Variants in IL1RAPL2 observed in about 807,000 individuals in gnomAD.
The protein encoded by IL1RAPL2 is X-linked interleukin-1 receptor accessory protein-like 2.
In IL1RAPL2, 3 loss-of-function variants were observed where a neutral mutation model predicts 44.1. The observed-to-expected ratio is 0.07, with a 90% CI of 0.03 to 0.18. The LOEUF (loss-of-function observed/expected upper bound fraction) is 0.18, where lower values mean the gene tolerates loss of function less well. Among genes scored for constraint, IL1RAPL2 ranks in the 10% least tolerant of loss-of-function variants. IL1RAPL2 has a pLI of 1.00. For missense variants in IL1RAPL2, 391 were observed against 496.4 expected (o/e 0.79, Z 2.02); for synonymous variants, 181 against 178.8 (o/e 1.01, Z -0.10).
Position 104,990,105 on chromosome X carries a change from A to G in IL1RAPL2, c.83-205370A>G, listed in dbSNP as rs951875808. ...TGTACTAGATGTTGTTGACAAGGCA[A>G]TAATAAGCCCTATTAAATCCTACCT... On this transcript the variant is annotated intron_variant, in intron 2 of 10. Transcript: ENST00000372582. Among the ~76,000 whole-genome samples the G allele has an allele frequency of 3.6e-5, 4 of 112,016 alleles. No individual in the cohort carries two copies. The East Asian group carries it at 8.4e-4, about 24-fold the overall frequency.
chrX:105,625,461 C>G (rs750824023), intron 6 of IL1RAPL2, among the ~76,000 whole-genome samples: 1 of 112,257 alleles, frequency 8.9e-6, no homozygotes, highest in Admixed American at 9.4e-5. Context: ...GTCACAACAA[C>G]TAGCCCTTTT....
chrX:104,587,151 ACTT>A (rs1419047836), intron 1 of IL1RAPL2, among the ~76,000 whole-genome samples: 3 of 111,868 alleles, frequency 2.7e-5, no homozygotes, highest in African/African-American at 9.7e-5. Flanking sequence ...AAGTTGCTTA[ACTT>A]CTTTGACCTT....
At position 105,223,075 on chromosome X, in the gene IL1RAPL2, G is replaced by T. The variant is rs181017203; in HGVS notation, c.357-10743G>T. On this transcript the variant is annotated intron_variant, in intron 3 of 10. Transcript: ENST00000372582. The stretch of plus-strand genomic sequence containing the variant: ...TGAGGCACAAGAATAGCTTGTACCT[G>T]GGAGGCAGAGGTTGCAGTGAGCCGA... 8.2e-5 allele frequency among the ~76,000 whole-genome samples: 9 copies of T among 109,648 alleles called. No homozygotes were observed. In the East Asian group the frequency reaches 2.6e-3, roughly 32 times the overall value.
rs73635151 is a variant in IL1RAPL2, at chrX:104,641,743, C to T, written c.-19-17152C>T. 5.4e-3 allele frequency among the ~76,000 whole-genome samples: 605 copies of T among 111,455 alleles called. 2 individuals carry two copies. The highest frequency in any genetic ancestry group is 0.018 in the African/African-American group (550 of 30,663). On this transcript the variant is annotated intron_variant, in intron 1 of 10. Coordinates refer to ENST00000372582, the MANE Select transcript of IL1RAPL2 (RefSeq NM_017416.2). ...GGCAGCTGCAGCCCACACCTGCATG[C>T]CTTATTAGTCCTGGTTGTGGAATGC...
chrX:105,264,602 G>A (rs143622371), intron 4 of IL1RAPL2, among the ~76,000 whole-genome samples: 37 of 111,768 alleles, frequency 3.3e-4, no homozygotes, highest in African/African-American at 1.2e-3. Context: ...GCGTATTAGT[G>A]GAGGCAGGAT....
chrX:105,091,955 A>G (rs1276833749), intron 2 of IL1RAPL2, among the ~76,000 whole-genome samples: 1 of 112,266 alleles, frequency 8.9e-6, no homozygotes, highest in Non-Finnish European at 1.9e-5. Context: ...ATGTGTATGT[A>G]AAAGAGACAA....
At chrX:105,383,533 A>G (rs2147725275) in intron 5 of IL1RAPL2, among the ~76,000 whole-genome samples, 1 of 112,404 alleles carries the variant, frequency 8.9e-6, no homozygotes, top group African/African-American at 3.2e-5. Flanking sequence ...GGTTGATTCC[A>G]TAGCTTGGCT....
chrX:105,671,366 A>G (rs2037823359), intron 6 of IL1RAPL2, among the ~76,000 whole-genome samples: 2 of 112,087 alleles, frequency 1.8e-5, no homozygotes, highest in South Asian at 7.2e-4. Context: ...TTATTCTAGG[A>G]GTTGCTTTTT....
intron 6 of IL1RAPL2, among the ~76,000 whole-genome samples, chrX:105,523,455 G>A (rs1386163046): frequency 9.0e-6 from 1 of 111,229 alleles, no homozygotes; most frequent in East Asian, 2.8e-4. Flanking sequence ...TACATACTAA[G>A]TGTTCAAATC....
chrX:105,144,026 A>T (rs1032095138), intron 2 of IL1RAPL2, among the ~76,000 whole-genome samples: 4 of 109,955 alleles, frequency 3.6e-5, no homozygotes, highest in Non-Finnish European at 7.6e-5. Context: ...TAAAAAAAAA[A>T]TACTTAGGTC....
chrX:105,077,352 A>T (rs190860752), intron 2 of IL1RAPL2, among the ~76,000 whole-genome samples: 1,875 of 111,625 alleles, frequency 0.017, 40 homozygotes, highest in African/African-American at 0.058. Context: ...TCTTTTCTTT[A>T]AGAATGTTGA....
intron 3 of IL1RAPL2, among the ~76,000 whole-genome samples, chrX:105,222,607 C>G (rs1024937537): frequency 1.8e-5 from 2 of 111,566 alleles, no homozygotes; most frequent in South Asian, 7.5e-4. Flanking sequence ...CAGGAAGACC[C>G]ATTAGGGAGA....
At chrX:105,335,539 A>G (rs2035021872) in intron 5 of IL1RAPL2, among the ~76,000 whole-genome samples, 1 of 111,296 alleles carries the variant, frequency 9.0e-6, no homozygotes, top group Admixed American at 9.6e-5. Context: ...AAGCTATGGT[A>G]TTGAACTGGG....
intron 2 of IL1RAPL2, among the ~76,000 whole-genome samples, chrX:104,957,764 G>A (rs2029928861): frequency 9.0e-6 from 1 of 111,433 alleles, no homozygotes. Flanking sequence ...TCATTGGTGT[G>A]TGGCCTGTGT....
chrX:105,031,456 G>T (rs986399450), intron 2 of IL1RAPL2, among the ~76,000 whole-genome samples: 9 of 111,645 alleles, frequency 8.1e-5, no homozygotes, highest in African/African-American at 2.9e-4. Flanking sequence ...AGCATGAAGG[G>T]TTGTTGAATT....
At chrX:104,726,936 C>T (rs762248826) in intron 2 of IL1RAPL2, among the ~76,000 whole-genome samples, 1 of 108,464 alleles carries the variant, frequency 9.2e-6, no homozygotes, top group Non-Finnish European at 1.9e-5. Flanking sequence ...TCATCATATA[C>T]AGAAACCAAC....
intron 5 of IL1RAPL2, among the ~76,000 whole-genome samples, chrX:105,414,729 T>C (rs1477190781): frequency 8.9e-6 from 1 of 112,046 alleles, no homozygotes; most frequent in Non-Finnish European, 1.9e-5. Flanking sequence ...GGAATCCCAA[T>C]GTAGGTACAT....
chrX:105,729,220 G>C (rs1046986093), intron 7 of IL1RAPL2, among the ~76,000 whole-genome samples: 1 of 111,559 alleles, frequency 9.0e-6, no homozygotes, highest in Admixed American at 9.5e-5. Flanking sequence ...GCTATAAAAA[G>C]TATGATTAAT....
intron 2 of IL1RAPL2, among the ~76,000 whole-genome samples, chrX:104,712,145 G>A (rs1454718289): frequency 9.0e-6 from 1 of 110,687 alleles, no homozygotes; most frequent in Non-Finnish European, 1.9e-5. Flanking sequence ...GAATAACCTA[G>A]GAAGTTCCCC....
Sources: allele counts gnomAD v4.1 joint callset (sites outside exome capture counted in the v4.1 genomes callset), GRCh38; gene constraint gnomAD v4.1.1; transcripts MANE v1.5; gene names NCBI Gene and HGNC (gene_info 2026-07-23, HGNC 2026-07-21).